Variants in EPC2 observed in about 807,000 individuals in gnomAD.
EPC2 encodes enhancer of polycomb 2.
Under a neutral mutation model 92.1 loss-of-function variants are expected in EPC2, and 14 were observed. That is an observed-to-expected ratio of 0.15 (90% CI 0.10 to 0.24). The LOEUF is 0.24. Among genes scored for constraint, EPC2 ranks in the 10% least tolerant of loss-of-function variants. EPC2 has a pLI of 1.00. For missense variants in EPC2, 755 were observed against 971.5 expected (o/e 0.78, Z 2.96); for synonymous variants, 340 against 334.7 (o/e 1.02, Z -0.17).
At chr2:148,676,477 AC>A (rs1222016344) in intron 1 of EPC2, among the ~76,000 whole-genome samples, 1 of 152,114 alleles carries the variant, frequency 6.6e-6, no homozygotes, top group Non-Finnish European at 1.5e-5. Context: ...AAAAAGTAAT[AC>A]AGATTTACTA....
chr2:148,776,856 C>CTCTCTTTTTTTTTTTTTTTTTTT (rs1247135854), intron 10 of EPC2, among the ~76,000 whole-genome samples: 22 of 101,024 alleles, frequency 2.2e-4, no homozygotes, highest in African/African-American at 7.7e-4. Context: ...GTCTCTCTCT[C>CTCTCTTTTTTTTTTTTTTTTTTT]TTTTTTTTTT....
At chr2:148,695,887 T>C (rs769471218) in intron 2 of EPC2, among the ~76,000 whole-genome samples, 109 of 152,234 alleles carry the variant, frequency 7.2e-4, no homozygotes, top group Non-Finnish European at 1.5e-3. Flanking sequence ...TTTTGTCAGA[T>C]TTGTGGAGAA....
At chr2:148,698,633 CAAAAAA>C (rs36045036) in intron 2 of EPC2, among the ~76,000 whole-genome samples, 1 of 57,008 alleles carries the variant, frequency 1.8e-5, no homozygotes, top group East Asian at 6.3e-4. Context: ...GACTCCATCT[CAAAAAA>C]AAAAAAAAAA....
chr2:148,777,052 G>C (rs999352465), intron 10 of EPC2, among the ~76,000 whole-genome samples: 1 of 151,696 alleles, frequency 6.6e-6, no homozygotes, highest in Non-Finnish European at 1.5e-5. Context: ...GAGAGACGGG[G>C]TTTCACCATG....
chr2:148,742,193 ATCTT>A (rs1395766885), intron 2 of EPC2, among the ~76,000 whole-genome samples: 14 of 152,288 alleles, frequency 9.2e-5, no homozygotes, highest in African/African-American at 3.4e-4. Context: ...CTGTGTACAT[ATCTT>A]TGTTTCTGTG....
In EPC2 at chr2:148,710,988, T is replaced by C. The variant is rs561276556; in HGVS notation, c.313+20615T>C. Among the ~76,000 whole-genome samples the C allele has an allele frequency of 1.4e-4, 21 of 152,252 alleles. 1 individual carries two copies. The East Asian group carries it at 3.1e-3, about 22-fold the overall frequency. On this transcript the variant is annotated intron_variant, in intron 2 of 13. Transcript: ENST00000258484. The stretch of plus-strand genomic sequence containing the variant: ...CCACTATATTTCATTCAGTCTCTCT[T>C]TTTGTTTTAGCCTGGGTAGAGGCTT...
intron 1 of EPC2, among the ~76,000 whole-genome samples, chr2:148,677,025 A>G (rs1390234066): frequency 6.6e-6 from 1 of 152,190 alleles, no homozygotes; most frequent in Non-Finnish European, 1.5e-5. Flanking sequence ...ACAATGTAAC[A>G]AGGAATTGAT....
intron 6 of EPC2, 128 bp from the exon 7 acceptor site, chr2:148,764,827 C>A (rs551910546): frequency 3.4e-6 from 2 of 586,278 alleles, no homozygotes; most frequent in South Asian, 7.2e-5. Context: ...ATAATTTTTG[C>A]GTATTAAAAA....
chr2:148,692,542 C>A (rs1003768857), intron 2 of EPC2: 1 of 152,188 alleles, frequency 6.6e-6, no homozygotes, highest in Non-Finnish European at 1.5e-5. Context: ...TAGAGAAACA[C>A]ACATGCGAAA....
At chr2:148,784,483 G>C (rs893244742) in intron 12 of EPC2, among the ~76,000 whole-genome samples, 185 bp from the exon 13 acceptor site, 1 of 152,194 alleles carries the variant, frequency 6.6e-6, no homozygotes, top group Admixed American at 6.5e-5. Context: ...AGGGTGTTTT[G>C]GGGGTTGTAG....
intron 5 of EPC2, among the ~76,000 whole-genome samples, chr2:148,762,449 A>C (rs1683319271): frequency 6.6e-6 from 1 of 151,942 alleles, no homozygotes; most frequent in African/African-American, 2.4e-5. Flanking sequence ...ATATGTAAGA[A>C]ATTTGTTTGC....
At chr2:148,669,862 T>G (rs1023603161) in intron 1 of EPC2, among the ~76,000 whole-genome samples, 1 of 152,120 alleles carries the variant, frequency 6.6e-6, no homozygotes, top group Non-Finnish European at 1.5e-5. Flanking sequence ...CCCTTTAAAT[T>G]TTGAGGTTTT....
intron 10 of EPC2, among the ~76,000 whole-genome samples, chr2:148,777,329 A>G (rs554118659): frequency 1.3e-5 from 2 of 152,316 alleles, no homozygotes; most frequent in South Asian, 2.1e-4. Flanking sequence ...GGTCTAGGCT[A>G]GTATTTGAAA....
chr2:148,704,951 G>A, intron 2 of EPC2, among the ~76,000 whole-genome samples: 1 of 149,416 alleles, frequency 6.7e-6, no homozygotes, highest in Non-Finnish European at 1.5e-5. Flanking sequence ...TTATTTTTAA[G>A]GCAAAGGAAT....
At chr2:148,658,320 C>G (rs915228008) in intron 1 of EPC2, among the ~76,000 whole-genome samples, 1 of 151,876 alleles carries the variant, frequency 6.6e-6, no homozygotes, top group African/African-American at 2.4e-5. Context: ...TCGGGGGCAC[C>G]TTTAGACAGT....
At chr2:148,667,532 A>C (rs1681078817) in intron 1 of EPC2, among the ~76,000 whole-genome samples, 1 of 152,052 alleles carries the variant, frequency 6.6e-6, no homozygotes, top group Admixed American at 6.5e-5. Flanking sequence ...TGTAGATTCC[A>C]TCAGATTTTC....
Position 148,770,891 on chromosome 2 carries a change from A to C in EPC2, c.1330A>C (p.Arg444=). 6.2e-7 allele frequency: 1 copy of C among 1,613,624 alleles called. No individual in the cohort carries two copies. The change falls in exon 9 of 14, where the codon AGA becomes CGA. Residue 444 remains arginine (R), a synonymous_variant. Coordinates refer to ENST00000258484, the MANE Select transcript of EPC2 (RefSeq NM_015630.4). ...RHCLTTLTVP[R]RCIGFARRRI... ...TTGCCTTACAACACTTACAGTCCCA[A>C]GAAGATGTATAGGATTTGCAAGGAG...
At chr2:148,751,938 G>A (rs919033244) in intron 3 of EPC2, among the ~76,000 whole-genome samples, 1 of 152,128 alleles carries the variant, frequency 6.6e-6, no homozygotes, top group African/African-American at 2.4e-5. Flanking sequence ...ATATCAGAAT[G>A]TTTAACTGTA....
At chr2:148,703,555 G>T (rs1282899050) in intron 2 of EPC2, among the ~76,000 whole-genome samples, 2 of 152,066 alleles carry the variant, frequency 1.3e-5, no homozygotes, top group African/African-American at 4.8e-5. Context: ...TTGAGACAGG[G>T]TCTCACTGTG....
Sources: gnomAD v4.1 joint callset for allele counts (sites outside exome capture counted in the v4.1 genomes callset) on GRCh38, gnomAD v4.1.1 for gene constraint, MANE v1.5 for transcripts, NCBI Gene and HGNC (gene_info 2026-07-23, HGNC 2026-07-21) for gene names.